PCDH15: variants seen among roughly 807,000 people sequenced by gnomAD.
PCDH15 encodes protocadherin-15.
Under a neutral mutation model 178.5 loss-of-function variants are expected in PCDH15, and 129 were observed. The observed-to-expected ratio is 0.72, with a 90% CI of 0.63 to 0.84. The LOEUF (loss-of-function observed/expected upper bound fraction) is 0.84, where lower values mean the gene tolerates loss of function less well. Ranked by LOEUF, PCDH15 falls within the 40% of genes least tolerant of loss-of-function variation. The pLI is 0.00. For missense variants in PCDH15, 2,230 were observed against 2,099.9 expected, an observed-to-expected ratio of 1.06 and a Z score of -1.21; for synonymous variants, 800 against 732.0, an observed-to-expected ratio of 1.09 and a Z score of -1.50.
intron 1 of PCDH15, among the ~76,000 whole-genome samples, chr10:55,221,823 T>A (rs1453613523): frequency 1.3e-5 from 2 of 151,988 alleles, no homozygotes; most frequent in Admixed American, 6.5e-5. Flanking sequence ...ATTTCCTTTT[T>A]AAAATGTTTA....
intron 2 of PCDH15, among the ~76,000 whole-genome samples, chr10:55,069,179 G>A (rs1841650965): frequency 6.7e-6 from 1 of 150,318 alleles, no homozygotes; most frequent in South Asian, 2.1e-4. Context: ...GTGATTACAA[G>A]CATTAGCCAC....
At chr10:54,261,033 T>A (rs935811360) in intron 8 of PCDH15, among the ~76,000 whole-genome samples, 3 of 152,230 alleles carry the variant, frequency 2.0e-5, no homozygotes, top group Admixed American at 6.5e-5. Context: ...AGTTTATATT[T>A]CTGCACATAT....
intron 9 of PCDH15, among the ~76,000 whole-genome samples, chr10:54,228,252 A>C (rs1361737387): frequency 6.6e-6 from 1 of 152,214 alleles, no homozygotes; most frequent in East Asian, 1.9e-4. Flanking sequence ...AGGAAGCTTT[A>C]CAATCATGGT....
intron 2 of PCDH15, among the ~76,000 whole-genome samples, chr10:55,040,135 C>T (rs191971519): frequency 7.4e-4 from 112 of 152,014 alleles, no homozygotes; most frequent in African/African-American, 2.5e-3. Context: ...GTTCTGAGAC[C>T]CTTACTGTCT....
intron 1 of PCDH15, among the ~76,000 whole-genome samples, chr10:54,728,713 G>A (rs1942928984): frequency 6.6e-6 from 1 of 151,280 alleles, no homozygotes; most frequent in African/African-American, 2.4e-5. Context: ...TCCTAGAATT[G>A]ATAACGTCAG....
intron 20 of PCDH15, among the ~76,000 whole-genome samples, chr10:54,001,368 A>G (rs2092126719): frequency 6.6e-6 from 1 of 152,144 alleles, no homozygotes; most frequent in South Asian, 2.1e-4. Flanking sequence ...AAAAATAACT[A>G]CAATCACTTT....
intron 2 of PCDH15, among the ~76,000 whole-genome samples, chr10:55,564,711 A>T (rs1842266673): frequency 6.6e-6 from 1 of 151,724 alleles, no homozygotes; most frequent in Non-Finnish European, 1.5e-5. Flanking sequence ...TGGGGTGGTT[A>T]TATTAATACC....
chr10:54,675,179 A>G (rs1426840331), intron 1 of PCDH15, among the ~76,000 whole-genome samples: 1 of 152,034 alleles, frequency 6.6e-6, no homozygotes, highest in African/African-American at 2.4e-5. Context: ...TTATATAGTA[A>G]ATTCAAACTG....
At position 55,599,838 on chromosome 10, in the gene PCDH15, G is replaced by T. The variant is rs544178038; in HGVS notation, c.-156+27787C>A. The T allele has an allele frequency of 1.3e-4, 134 of 1,020,972 alleles. 1 individual carries two copies. In the Middle Eastern group the frequency reaches 2.5e-3, roughly 19 times the overall value. 63.2% of individuals were successfully genotyped at this position (1,020,972 alleles called of 1,614,324 possible). A position where few individuals can be genotyped will look rare whatever the true frequency, so the allele number is the denominator to read the frequency against. On this transcript the variant is annotated intron_variant, in intron 2 of 5. Transcript: ENST00000613346. ...GCTCAGTGACATATGTTTAAGGGTT[G>T]CGGTATCCTGAACTTGCAAAGGTAG... is the stretch of plus-strand genomic sequence containing the variant.
chr10:54,054,398 G>C (rs1294847318), intron 18 of PCDH15, among the ~76,000 whole-genome samples: 1 of 152,034 alleles, frequency 6.6e-6, no homozygotes, highest in African/African-American at 2.4e-5. Context: ...GCAGGTAGTA[G>C]AATCTTAAGA....
chr10:54,480,017 T>C (rs199837408), intron 3 of PCDH15, among the ~76,000 whole-genome samples: 1 of 151,938 alleles, frequency 6.6e-6, no homozygotes, highest in African/African-American at 2.4e-5. Flanking sequence ...CTCACTAGAG[T>C]TGAAAATAAA....
intron 18 of PCDH15, among the ~76,000 whole-genome samples, chr10:54,063,233 G>T (rs1236507574): frequency 6.6e-6 from 1 of 152,092 alleles, no homozygotes; most frequent in African/African-American, 2.4e-5. Context: ...CTACAACATG[G>T]TATAGAAAAG....
chr10:54,998,109 G>A (rs1049745783), intron 2 of PCDH15, among the ~76,000 whole-genome samples: 11 of 151,992 alleles, frequency 7.2e-5, no homozygotes, highest in African/African-American at 2.7e-4. Flanking sequence ...TGTTCTTATT[G>A]AAAAAAACAA....
At chr10:54,277,530 T>C (rs1489315231) in intron 8 of PCDH15, among the ~76,000 whole-genome samples, 1 of 151,610 alleles carries the variant, frequency 6.6e-6, no homozygotes, top group East Asian at 1.9e-4. Context: ...AAACAGATAT[T>C]ATTGTTTAGT....
intron 8 of PCDH15, among the ~76,000 whole-genome samples, chr10:54,307,017 T>C (rs1470988978): frequency 3.7e-5 from 1 of 26,892 alleles, no homozygotes; most frequent in African/African-American, 1.1e-4. Context: ...TATATATACA[T>C]ATATATATAT....
At chr10:55,171,871 G>C (rs117940849) in intron 1 of PCDH15, among the ~76,000 whole-genome samples, 2 of 151,426 alleles carry the variant, frequency 1.3e-5, no homozygotes, top group Non-Finnish European at 1.5e-5. Context: ...AGTGATGTAC[G>C]CCAAACAATG....
At chr10:55,521,284 G>C (rs973090556) in intron 2 of PCDH15, among the ~76,000 whole-genome samples, 1 of 151,952 alleles carries the variant, frequency 6.6e-6, no homozygotes, top group Non-Finnish European at 1.5e-5. Flanking sequence ...AATATGCACT[G>C]AATATACAGA....
At chr10:54,368,215 T>C (rs572429723) in intron 5 of PCDH15, among the ~76,000 whole-genome samples, 1 of 152,154 alleles carries the variant, frequency 6.6e-6, no homozygotes, top group African/African-American at 2.4e-5. Flanking sequence ...CTAAAAAATA[T>C]TTTTAGTAAC....
chr10:55,602,552 G>C (rs896212823), intron 2 of PCDH15, among the ~76,000 whole-genome samples: 3 of 152,174 alleles, frequency 2.0e-5, no homozygotes, highest in South Asian at 4.1e-4. Context: ...AGAACAGGCA[G>C]ACTGCCTCCT....
Sources: gnomAD v4.1 joint callset for allele counts (sites outside exome capture counted in the v4.1 genomes callset) on GRCh38, gnomAD v4.1.1 for gene constraint, MANE v1.5 for transcripts, NCBI Gene and HGNC (gene_info 2026-07-23, HGNC 2026-07-21) for gene names.